Variants in MAGI1 observed in about 807,000 individuals in gnomAD.
MAGI1 encodes the protein membrane associated guanylate kinase, WW and PDZ domain containing 1, also known as membrane-associated guanylate kinase, WW and PDZ domain-containing protein 1.
Under a neutral mutation model 139.9 loss-of-function variants are expected in MAGI1, and 58 were observed. That is an observed-to-expected ratio of 0.41 (90% confidence interval 0.34 to 0.52). The LOEUF (loss-of-function observed/expected upper bound fraction) is 0.52, where lower values mean the gene tolerates loss of function less well. Ranked by LOEUF, MAGI1 falls within the 20% of genes least tolerant of loss-of-function variation. MAGI1 has a pLI of 0.12. For missense variants in MAGI1, 1,874 were observed against 1,901.6 expected, an observed-to-expected ratio of 0.99 and a Z score of 0.27; for synonymous variants, 812 against 737.9, an observed-to-expected ratio of 1.10 and a Z score of -1.63.
chr3:65,829,285 C>T (rs1300445271), intron 1 of MAGI1, among the ~76,000 whole-genome samples: 1 of 152,140 alleles, frequency 6.6e-6, no homozygotes, highest in African/African-American at 2.4e-5. Context: ...TCAAAAGGAA[C>T]CAACTGCATA....
intron 1 of MAGI1, among the ~76,000 whole-genome samples, chr3:65,906,974 C>T (rs1297432073): frequency 6.7e-6 from 1 of 149,152 alleles, no homozygotes; most frequent in East Asian, 2.0e-4. Context: ...TGGACCTGAA[C>T]AGTGGTAGAG....
intron 1 of MAGI1, among the ~76,000 whole-genome samples, chr3:65,992,629 C>A (rs2066241318): frequency 6.6e-6 from 1 of 152,078 alleles, no homozygotes; most frequent in South Asian, 2.1e-4. Context: ...GGAGGGCAAC[C>A]AAAATTCTGT....
At chr3:65,573,605 G>A (rs1397484762) in intron 2 of MAGI1, among the ~76,000 whole-genome samples, 1 of 151,734 alleles carries the variant, frequency 6.6e-6, no homozygotes, top group African/African-American at 2.4e-5. Context: ...CTGATGAAAA[G>A]AATTTATGAA....
At chr3:65,497,452 T>G (rs1952538250) in intron 2 of MAGI1, among the ~76,000 whole-genome samples, 1 of 152,132 alleles carries the variant, frequency 6.6e-6, no homozygotes, top group Non-Finnish European at 1.5e-5. Flanking sequence ...CACTGGGAAT[T>G]CCAGTGCAGT....
intron 16 of MAGI1, among the ~76,000 whole-genome samples, chr3:65,381,087 G>A (rs1423124301): frequency 6.6e-6 from 1 of 152,144 alleles, no homozygotes; most frequent in Non-Finnish European, 1.5e-5. Context: ...TGCCTTAAAG[G>A]TTTCAAGGTG....
intron 6 of MAGI1, 75 bp from the exon 7 acceptor site, chr3:65,448,132 A>G: frequency 7.4e-7 from 1 of 1,348,952 alleles, no homozygotes. Context: ...CAAGAAAGGA[A>G]ATCTCCTCAG....
intron 4 of MAGI1, 35 bp from the exon 5 acceptor site, chr3:65,470,519 G>T: frequency 2.3e-6 from 3 of 1,307,110 alleles, no homozygotes; most frequent in Non-Finnish European, 3.1e-6. Context: ...GAGAGAGAGA[G>T]AGAGAAAAAA....
At chr3:65,751,058 A>G (rs2036107900) in intron 1 of MAGI1, among the ~76,000 whole-genome samples, 1 of 152,188 alleles carries the variant, frequency 6.6e-6, no homozygotes, top group South Asian at 2.1e-4. Context: ...ATGAGGGTTG[A>G]CCCAGCTAAT....
Position 65,360,348 on chromosome 3 carries a change from CTTCT to C in MAGI1, c.3634+847_3634+850del, listed in dbSNP as rs1940700850. The C allele has an allele frequency of 4.2e-6, 4 of 952,778 alleles. No individual in the cohort carries two copies. In the South Asian group the frequency reaches 1.9e-4, roughly 46 times the overall value. 59.0% of individuals were successfully genotyped at this position (952,778 alleles called of 1,614,324 possible). On this transcript the variant is annotated intron_variant, in intron 22 of 22. Coordinates refer to ENST00000402939, the MANE Select transcript of MAGI1 (RefSeq NM_001033057.2). ...AAGCCCTACATCTAGGGCATAGCTT[CTTCT>C]TTTTTTTTTTTTTTTTAATTTTAAA... is the stretch of plus-strand genomic sequence containing the variant.
intron 1 of MAGI1, among the ~76,000 whole-genome samples, chr3:65,821,080 G>A (rs971774711): frequency 6.6e-6 from 1 of 152,044 alleles, no homozygotes; most frequent in Non-Finnish European, 1.5e-5. Flanking sequence ...AATCTAGGAG[G>A]CTCTTGGGGG....
chr3:65,848,051 T>C (rs955785315), intron 1 of MAGI1, among the ~76,000 whole-genome samples: 3 of 152,114 alleles, frequency 2.0e-5, no homozygotes, highest in Non-Finnish European at 4.4e-5. Context: ...CCTTCCCCGA[T>C]AGAAGAACAA....
chr3:65,469,042 G>GA (rs1275810312), intron 5 of MAGI1, among the ~76,000 whole-genome samples: 1 of 151,928 alleles, frequency 6.6e-6, no homozygotes, highest in East Asian at 1.9e-4. Flanking sequence ...GCATATCAAT[G>GA]AAAAATGTGG....
At chr3:65,498,750 G>T (rs189402483) in intron 2 of MAGI1, among the ~76,000 whole-genome samples, 1 of 152,280 alleles carries the variant, frequency 6.6e-6, no homozygotes, top group East Asian at 1.9e-4. Flanking sequence ...TCATGGAAAT[G>T]TTCCATATCT....
intron 1 of MAGI1, among the ~76,000 whole-genome samples, chr3:65,659,244 TAAA>T (rs2086054726): frequency 6.6e-6 from 1 of 151,866 alleles, no homozygotes; most frequent in African/African-American, 2.4e-5. Flanking sequence ...GAGGCAGGAA[TAAA>T]ACAGGGTGAT....
At chr3:65,800,131 G>T (rs2040421255) in intron 1 of MAGI1, among the ~76,000 whole-genome samples, 1 of 152,130 alleles carries the variant, frequency 6.6e-6, no homozygotes, top group African/African-American at 2.4e-5. Flanking sequence ...AATAATACCT[G>T]CTCCATATGG....
intron 3 of MAGI1, 105 bp from the exon 4 acceptor site, chr3:65,478,903 C>A: frequency 1.2e-6 from 1 of 826,028 alleles, no homozygotes; most frequent in Non-Finnish European, 2.0e-6. Context: ...AAAAATTAAA[C>A]TAGAAAACCA....
intron 1 of MAGI1, among the ~76,000 whole-genome samples, chr3:65,774,600 T>C (rs563311283): frequency 1.2e-4 from 19 of 152,330 alleles, no homozygotes; most frequent in African/African-American, 4.3e-4. Context: ...TTTGTTCACA[T>C]AGTTTATGGA....
intron 1 of MAGI1, among the ~76,000 whole-genome samples, chr3:65,693,835 T>C (rs2088902815): frequency 6.6e-6 from 1 of 152,088 alleles, no homozygotes; most frequent in South Asian, 2.1e-4. Flanking sequence ...ACGACTCTCC[T>C]GCCTCAGCCC....
intron 1 of MAGI1, chr3:65,873,540 A>G (rs1375592543): frequency 6.6e-6 from 1 of 152,180 alleles, no homozygotes; most frequent in African/African-American, 2.4e-5. Flanking sequence ...TCTGATCACA[A>G]AGGTTTCAGA....
Sources: allele counts gnomAD v4.1 joint callset (sites outside exome capture counted in the v4.1 genomes callset), GRCh38; gene constraint gnomAD v4.1.1; transcripts MANE v1.5; gene names NCBI Gene and HGNC (gene_info 2026-07-23, HGNC 2026-07-21).